SLX4IP: variants seen among roughly 807,000 people sequenced by gnomAD.
SLX4IP encodes the protein protein SLX4IP.
Under a neutral mutation model 32.9 loss-of-function variants are expected in SLX4IP, and 34 were observed. The ratio of observed to expected loss-of-function variants is 1.03; its 90% confidence interval spans 0.79 to 1.38. The LOEUF (loss-of-function observed/expected upper bound fraction) is 1.38. Ranked by LOEUF, SLX4IP falls within the 40% of genes most tolerant of loss-of-function variation. SLX4IP has a pLI of 0.00. For synonymous variants in SLX4IP, 172 were observed against 171.7 expected (o/e 1.00, Z -0.01); for missense variants, 444 against 479.0 (o/e 0.93, Z 0.68).
chr20:10,570,347 G>A (rs1302048496), intron 4 of SLX4IP, among the ~76,000 whole-genome samples: 1 of 152,168 alleles, frequency 6.6e-6, no homozygotes, highest in East Asian at 1.9e-4. Flanking sequence ...CTCAGGAGTG[G>A]CCTTGGTAGC....
At chr20:10,588,741 A>G (rs978909842) in intron 4 of SLX4IP, among the ~76,000 whole-genome samples, 4 of 152,176 alleles carry the variant, frequency 2.6e-5, no homozygotes, top group African/African-American at 9.6e-5. Flanking sequence ...GATGATTGCC[A>G]GAGGCAGGGG....
intron 4 of SLX4IP, among the ~76,000 whole-genome samples, chr20:10,565,181 T>C (rs891390983): frequency 6.6e-6 from 1 of 152,190 alleles, no homozygotes; most frequent in African/African-American, 2.4e-5. Context: ...AAAAATGTGA[T>C]AGCTCCCAGC....
At chr20:10,516,551 G>A (rs2065851611) in intron 2 of SLX4IP, among the ~76,000 whole-genome samples, 1 of 152,192 alleles carries the variant, frequency 6.6e-6, no homozygotes, top group African/African-American at 2.4e-5. Flanking sequence ...ACGTATGCTT[G>A]TTTGTAAGTG....
chr20:10,510,701 T>C (rs1287691196), intron 2 of SLX4IP, among the ~76,000 whole-genome samples: 1 of 151,530 alleles, frequency 6.6e-6, no homozygotes. Flanking sequence ...ACCTCCCGGG[T>C]TCAAGTGATT....
chr20:10,614,048 G>T, intron 6 of SLX4IP: 1 of 1,483,532 alleles, frequency 6.7e-7, no homozygotes, highest in Non-Finnish European at 9.4e-7. Flanking sequence ...TCTGGAAGCA[G>T]CGGGTGGCGT....
intron 3 of SLX4IP, among the ~76,000 whole-genome samples, chr20:10,558,784 CT>C (rs1387418604): frequency 6.6e-6 from 1 of 152,152 alleles, no homozygotes; most frequent in African/African-American, 2.4e-5. Flanking sequence ...TTATCTGCCC[CT>C]CAAAGGTAGC....
chr20:10,604,858 A>G (rs1331808279), intron 6 of SLX4IP, among the ~76,000 whole-genome samples: 1 of 152,258 alleles, frequency 6.6e-6, no homozygotes, highest in Non-Finnish European at 1.5e-5. Flanking sequence ...TAAGAAATCT[A>G]AAAACTCTTG....
chr20:10,615,765 T>C (rs2067018887), intron 6 of SLX4IP, among the ~76,000 whole-genome samples: 1 of 152,228 alleles, frequency 6.6e-6, no homozygotes, highest in South Asian at 2.1e-4. Flanking sequence ...ACCAGCAGGT[T>C]GGGGTCTGGT....
chr20:10,509,419 G>A (rs536575719), intron 2 of SLX4IP, among the ~76,000 whole-genome samples: 70 of 152,302 alleles, frequency 4.6e-4, no homozygotes, highest in African/African-American at 1.6e-3. Context: ...CACCATGGGT[G>A]AAATTGCTCT....
At chr20:10,508,854 A>G (rs1267444257) in intron 2 of SLX4IP, among the ~76,000 whole-genome samples, 1 of 152,206 alleles carries the variant, frequency 6.6e-6, no homozygotes, top group Non-Finnish European at 1.5e-5. Context: ...GGGTACAGCC[A>G]AAGACGACTC....
At chr20:10,518,508 TC>T (rs2065876713) in intron 2 of SLX4IP, among the ~76,000 whole-genome samples, 1 of 125,516 alleles carries the variant, frequency 8.0e-6, no homozygotes, top group Admixed American at 8.1e-5. Flanking sequence ...CTTCCTTCCT[TC>T]CTTCCTTCCT....
chr20:10,557,585 T>C (rs1307456911), intron 3 of SLX4IP, among the ~76,000 whole-genome samples: 1 of 152,240 alleles, frequency 6.6e-6, no homozygotes, highest in Non-Finnish European at 1.5e-5. Context: ...AAGTGACCAA[T>C]AGTCACCCAA....
chr20:10,474,176 A>G (rs932859927), intron 2 of SLX4IP, among the ~76,000 whole-genome samples: 1 of 152,132 alleles, frequency 6.6e-6, no homozygotes, highest in Non-Finnish European at 1.5e-5. Flanking sequence ...TTGGCCTCCC[A>G]AAGTGCTGGG....
At chr20:10,455,778 T>C (rs1047750624) in intron 1 of SLX4IP, among the ~76,000 whole-genome samples, 1 of 151,900 alleles carries the variant, frequency 6.6e-6, no homozygotes, top group Admixed American at 6.6e-5. Flanking sequence ...CCCAGCTAAT[T>C]TTTTGTATTT....
chr20:10,622,810 G>C lies in SLX4IP; in HGVS notation c.658G>C (p.Gly220Arg). 1 of 1,614,120 alleles carries C rather than the reference G, an allele frequency of 6.2e-7. No homozygotes were observed. Among genetic ancestry groups the C allele is most frequent in the Non-Finnish European group, 8.5e-7 (1 of 1,180,028 alleles). Residue 220 changes from glycine (G) to arginine (R), a missense_variant, in exon 8 of 8, where the codon GGA (glycine) becomes CGA (arginine). Transcript: ENST00000334534. ...CTCCAGTCCCCCATCAGAATCCATGGGACAAGCAAAGGATTCCATAAAGGC... is the reference window on the plus strand; with the variant it reads ...CTCCAGTCCCCCATCAGAATCCATGCGACAAGCAAAGGATTCCATAAAGGC... ...ASSSPPSESMGQAKDSIKAAE... is the reference protein window; with the variant it reads ...ASSSPPSESMRQAKDSIKAAE...
intron 2 of SLX4IP, among the ~76,000 whole-genome samples, chr20:10,463,145 T>G (rs1467152684): frequency 6.6e-6 from 1 of 152,142 alleles, no homozygotes; most frequent in Non-Finnish European, 1.5e-5. Context: ...CTGGGAGATA[T>G]AGGGGTAACT....
In SLX4IP at chr20:10,625,627, G is replaced by A. The variant is rs1255314977; in HGVS notation, c.*2248G>A. 1 of 152,158 alleles carries A rather than the reference G, an allele frequency of 6.6e-6. No individual in the cohort carries two copies. Among genetic ancestry groups the A allele is most frequent in the Non-Finnish European group, 1.5e-5 (1 of 68,030 alleles). The allele number at this position is 152,158 out of a possible 1,614,324, so 9.4% of individuals were successfully genotyped here. Reference sequence around the variant, plus strand: ...ATGATTCTCTGTCAGGAAAAGTCTTGGCTTTAGAGTTTGTTATAGTTGGGG... The same window carrying A: ...ATGATTCTCTGTCAGGAAAAGTCTTAGCTTTAGAGTTTGTTATAGTTGGGG... On this transcript the variant is annotated 3_prime_UTR_variant, in exon 8 of 8. Coordinates refer to ENST00000334534, the MANE Select transcript of SLX4IP (RefSeq NM_001009608.3).
chr20:10,543,443 C>T (rs1040283469), intron 2 of SLX4IP, among the ~76,000 whole-genome samples: 1 of 152,180 alleles, frequency 6.6e-6, no homozygotes, highest in African/African-American at 2.4e-5. Context: ...AGACTAGGAG[C>T]TCTCAGCATG....
intron 1 of SLX4IP, among the ~76,000 whole-genome samples, chr20:10,446,408 T>C (rs1367869610): frequency 2.0e-5 from 2 of 101,254 alleles, no homozygotes; most frequent in African/African-American, 6.4e-5. Context: ...TGCGACTCTG[T>C]CTCAAAAAAA....
Sources: gnomAD v4.1 joint callset for allele counts (sites outside exome capture counted in the v4.1 genomes callset) on GRCh38, gnomAD v4.1.1 for gene constraint, MANE v1.5 for transcripts, NCBI Gene and HGNC (gene_info 2026-07-23, HGNC 2026-07-21) for gene names.